Variants in CDK14 observed in about 807,000 individuals in gnomAD.
The protein encoded by CDK14 is cyclin-dependent kinase 14.
In CDK14, 34 loss-of-function variants were observed where a neutral mutation model predicts 60.7. The ratio of observed to expected loss-of-function variants is 0.56; its 90% CI spans 0.43 to 0.75. The LOEUF (loss-of-function observed/expected upper bound fraction) is 0.75. Among genes scored for constraint, CDK14 ranks in the 30% least tolerant of loss-of-function variants. CDK14 has a pLI of 0.00. For missense variants in CDK14, 482 were observed against 564.1 expected, an observed-to-expected ratio of 0.85 and a Z score of 1.47; for synonymous variants, 197 against 203.7, an observed-to-expected ratio of 0.97 and a Z score of 0.28.
At chr7:91,151,187 C>A (rs559593261) in intron 14 of CDK14, among the ~76,000 whole-genome samples, 50 of 152,174 alleles carry the variant, frequency 3.3e-4, no homozygotes, top group South Asian at 1.5e-3. Context: ...CATTCCCACA[C>A]CCCAGTCTTT....
intron 4 of CDK14, among the ~76,000 whole-genome samples, chr7:90,748,371 T>A (rs1041103433): frequency 6.6e-6 from 1 of 152,202 alleles, no homozygotes; most frequent in Non-Finnish European, 1.5e-5. Flanking sequence ...CTTGTCCTCA[T>A]GTGTTTCTGA....
chr7:90,725,889 G>T (rs926751357), intron 2 of CDK14, among the ~76,000 whole-genome samples: 1 of 152,088 alleles, frequency 6.6e-6, no homozygotes, highest in Non-Finnish European at 1.5e-5. Flanking sequence ...TGGAGGTCTA[G>T]TGGAATAATG....
At chr7:90,659,751 G>A (rs1800823435) in intron 2 of CDK14, among the ~76,000 whole-genome samples, 1 of 152,000 alleles carries the variant, frequency 6.6e-6, no homozygotes, top group Non-Finnish European at 1.5e-5. Context: ...TGGTACAAAG[G>A]GCGGTGGGAA....
intron 14 of CDK14, among the ~76,000 whole-genome samples, chr7:91,174,682 C>A (rs1332588659): frequency 7.7e-6 from 1 of 130,002 alleles, no homozygotes; most frequent in African/African-American, 3.0e-5. Flanking sequence ...GGAGCCGATG[C>A]GATCAACTGG....
At chr7:90,879,868 G>A (rs2117279070) in intron 6 of CDK14, among the ~76,000 whole-genome samples, 1 of 151,884 alleles carries the variant, frequency 6.6e-6, no homozygotes, top group Middle Eastern at 3.4e-3. Context: ...AGCAACACGG[G>A]AAAGGGGAGC....
intron 6 of CDK14, among the ~76,000 whole-genome samples, chr7:90,866,060 A>G (rs1316418079): frequency 6.6e-6 from 1 of 152,186 alleles, no homozygotes; most frequent in African/African-American, 2.4e-5. Flanking sequence ...TCCTAAAAAC[A>G]GTGAAACTGC....
intron 14 of CDK14, among the ~76,000 whole-genome samples, chr7:91,172,925 C>G (rs576854358): frequency 6.6e-6 from 1 of 152,124 alleles, no homozygotes; most frequent in East Asian, 1.9e-4. Context: ...TGTTTCACAT[C>G]CCATTCCTGT....
At chr7:90,640,715 T>C (rs897170757) in intron 2 of CDK14, among the ~76,000 whole-genome samples, 2 of 152,110 alleles carry the variant, frequency 1.3e-5, no homozygotes, top group Non-Finnish European at 2.9e-5. Context: ...ATCAGAGTGT[T>C]CTAAAGTTGA....
intron 13 of CDK14, among the ~76,000 whole-genome samples, chr7:91,117,297 C>T (rs911578554): frequency 6.6e-6 from 1 of 151,586 alleles, no homozygotes; most frequent in Admixed American, 6.6e-5. Flanking sequence ...CAGGATCACG[C>T]ACGCCACTCC....
At chr7:90,806,502 C>A (rs1399182613) in intron 5 of CDK14, among the ~76,000 whole-genome samples, 2 of 152,104 alleles carry the variant, frequency 1.3e-5, no homozygotes, top group Non-Finnish European at 2.9e-5. Context: ...CGAAGATGGC[C>A]AAATAGGAAC....
chr7:90,649,334 TTCC>T (rs1563029860), intron 2 of CDK14, among the ~76,000 whole-genome samples: 36 of 47,556 alleles, frequency 7.6e-4, no homozygotes, highest in South Asian at 8.3e-4. Context: ...CCTTCCTTCC[TTCC>T]TTCCTTCCTT....
intron 2 of CDK14, among the ~76,000 whole-genome samples, chr7:90,723,772 T>C (rs1286494849): frequency 6.6e-6 from 1 of 152,168 alleles, no homozygotes; most frequent in Admixed American, 6.5e-5. Flanking sequence ...AACCTTGCAT[T>C]CGTGGGATTA....
chr7:90,663,344 G>A (rs912395036), intron 2 of CDK14, among the ~76,000 whole-genome samples: 10 of 152,132 alleles, frequency 6.6e-5, no homozygotes, highest in Non-Finnish European at 1.0e-4. Context: ...TCTTTCATAC[G>A]GAGGGTGTCG....
At chr7:90,711,037 T>C (rs1802042020) in intron 2 of CDK14, among the ~76,000 whole-genome samples, 1 of 152,044 alleles carries the variant, frequency 6.6e-6, no homozygotes. Context: ...TGTGTATAGT[T>C]TAATTAACTT....
intron 14 of CDK14, among the ~76,000 whole-genome samples, chr7:91,191,097 C>G (rs1172998728): frequency 6.6e-6 from 1 of 152,136 alleles, no homozygotes; most frequent in Non-Finnish European, 1.5e-5. Context: ...ACAAAATGAC[C>G]TCAAGGCCAC....
intron 4 of CDK14, among the ~76,000 whole-genome samples, chr7:90,775,661 T>TCCCCTCCCCCTTCCCCTCCCCCTC (rs1227368254): frequency 1.5e-5 from 1 of 68,412 alleles, no homozygotes; most frequent in Admixed American, 2.1e-4. Context: ...CCCTCCCCCT[T>TCCCCTCCCCCTTCCCCTCCCCCTC]TCTCCTCCTC....
At chr7:90,972,431 A>C (rs1202412207) in intron 9 of CDK14, among the ~76,000 whole-genome samples, 2 of 152,232 alleles carry the variant, frequency 1.3e-5, no homozygotes, top group East Asian at 3.8e-4. Context: ...AATACAGAAA[A>C]AGGTCACTTT....
At chr7:90,762,433 C>T (rs1037213384) in intron 4 of CDK14, among the ~76,000 whole-genome samples, 3 of 151,956 alleles carry the variant, frequency 2.0e-5, no homozygotes, top group Admixed American at 1.3e-4. Flanking sequence ...CCTACTGAAT[C>T]AAGGGGGTAT....
chr7:91,109,138 A>C (rs1212358257), intron 12 of CDK14, among the ~76,000 whole-genome samples: 1 of 152,142 alleles, frequency 6.6e-6, no homozygotes, highest in Non-Finnish European at 1.5e-5. Context: ...ATCTCTTCCC[A>C]ACCTCTCTTG....
Sources: allele counts gnomAD v4.1 joint callset (sites outside exome capture counted in the v4.1 genomes callset), GRCh38; gene constraint gnomAD v4.1.1; transcripts MANE v1.5; gene names NCBI Gene and HGNC (gene_info 2026-07-23, HGNC 2026-07-21).